ARHGAP44: variants seen among roughly 807,000 people sequenced by gnomAD.
ARHGAP44 encodes Rho GTPase activating protein 44.
Under a neutral mutation model 106.8 loss-of-function variants are expected in ARHGAP44, and 43 were observed. The ratio of observed to expected loss-of-function variants is 0.40; its 90% CI spans 0.32 to 0.52. The LOEUF (loss-of-function observed/expected upper bound fraction) is 0.52, where lower values mean the gene tolerates loss of function less well. Among genes scored for constraint, ARHGAP44 ranks in the 20% least tolerant of loss-of-function variants. ARHGAP44 has a pLI of 0.48. For missense variants in ARHGAP44, 866 were observed against 1,050.5 expected (o/e 0.82, Z 2.43); for synonymous variants, 439 against 410.3 (o/e 1.07, Z -0.85).
At chr17:12,943,939 A>G in intron 9 of ARHGAP44, 130 bp from the exon 10 acceptor site, 1 of 1,305,260 alleles carries the variant, frequency 7.7e-7, no homozygotes, top group Non-Finnish European at 1.0e-6. Context: ...AAAACCACAG[A>G]ATGGAGGCTC....
At chr17:12,872,981 A>G (rs1005423836) in intron 1 of ARHGAP44, among the ~76,000 whole-genome samples, 6 of 152,160 alleles carry the variant, frequency 3.9e-5, no homozygotes, top group Non-Finnish European at 8.8e-5. Flanking sequence ...TAGCGTAACC[A>G]TGCCATTTTT....
chr17:12,961,345 G>A (rs9893369), intron 16 of ARHGAP44, among the ~76,000 whole-genome samples: 66,586 of 152,130 alleles, frequency 0.44, 15,217 homozygotes, highest in East Asian at 0.74. Context: ...ATTCTTATTT[G>A]AAGTTGAAAC....
intron 1 of ARHGAP44, among the ~76,000 whole-genome samples, chr17:12,866,497 A>G (rs2036242832): frequency 6.6e-6 from 1 of 152,160 alleles, no homozygotes; most frequent in Non-Finnish European, 1.5e-5. Context: ...AAGCCTTCAC[A>G]GTGTAAGAGA....
At position 12,898,789 on chromosome 17, in the gene ARHGAP44, G is replaced by A. The variant is rs114381484; in HGVS notation, c.198+2278G>A. On this transcript the variant is annotated intron_variant, in intron 3 of 20. Coordinates refer to ENST00000379672, the MANE Select transcript of ARHGAP44 (RefSeq NM_014859.6). ...CTATGACTGGCCATGATTCACCAGCGAGGACGTACACTATCTGGCTTCTCT... is the reference window on the plus strand; with the variant it reads ...CTATGACTGGCCATGATTCACCAGCAAGGACGTACACTATCTGGCTTCTCT... Among the ~76,000 whole-genome samples the A allele has an allele frequency of 4.5e-3, 684 of 152,200 alleles. 4 individuals carry two copies. Among genetic ancestry groups the A allele is most frequent in the African/African-American group, 0.015 (639 of 41,518 alleles).
intron 1 of ARHGAP44, among the ~76,000 whole-genome samples, chr17:12,859,352 T>G (rs997345266): frequency 6.6e-6 from 1 of 152,160 alleles, no homozygotes; most frequent in South Asian, 2.1e-4. Context: ...ATTTCTGTTA[T>G]TTAAGCCACC....
intron 16 of ARHGAP44, among the ~76,000 whole-genome samples, chr17:12,968,809 G>A (rs377675660): frequency 9.2e-5 from 13 of 141,258 alleles, no homozygotes; most frequent in East Asian, 4.1e-4. Context: ...TCACACTGTC[G>A]CCCAGGTTGG....
At chr17:12,865,481 A>G (rs2036210617) in intron 1 of ARHGAP44, among the ~76,000 whole-genome samples, 1 of 152,148 alleles carries the variant, frequency 6.6e-6, no homozygotes, top group Admixed American at 6.5e-5. Flanking sequence ...ACAAGCCGAA[A>G]GGTAAGAGGT....
At chr17:12,920,440 A>G (rs970131896) in intron 6 of ARHGAP44, among the ~76,000 whole-genome samples, 6 of 151,770 alleles carry the variant, frequency 4.0e-5, no homozygotes, top group Admixed American at 6.6e-5. Context: ...AAAGGGAGCA[A>G]CAGCATTAAG....
rs550811208 is a variant in ARHGAP44 at position 12,854,413 on chromosome 17, T to G, written c.54-40527T>G. Among the ~76,000 whole-genome samples, 8 of 152,262 alleles carry G rather than the reference T, an allele frequency of 5.3e-5. No homozygotes were observed. The South Asian group carries it at 1.2e-3, about 24-fold the overall frequency. ...ATTTTTCCCCCCTTTGACAATATTATGACAGGTATGCAGAAAGATTAATGT... is the reference window on the plus strand; with the variant it reads ...ATTTTTCCCCCCTTTGACAATATTAGGACAGGTATGCAGAAAGATTAATGT... On this transcript the variant is annotated intron_variant, in intron 1 of 20. Coordinates refer to ENST00000379672, the MANE Select transcript of ARHGAP44 (RefSeq NM_014859.6).
chr17:12,789,980 A>G lies in ARHGAP44; in HGVS notation c.53+89A>G, dbSNP rs569283221. Reference sequence around the variant, plus strand: ...AGGTGATGGAGCCCGCCCAGCCTCCAGTCCTCCTTGCCTCAGTCCTTTCCC... The same window carrying G: ...AGGTGATGGAGCCCGCCCAGCCTCCGGTCCTCCTTGCCTCAGTCCTTTCCC... On this transcript the variant is annotated intron_variant, in intron 1 of 20. Coordinates refer to ENST00000379672, the MANE Select transcript of ARHGAP44 (RefSeq NM_014859.6). 1,391 of 1,273,728 alleles carry G rather than the reference A, an allele frequency of 1.1e-3. 22 individuals carry two copies. The South Asian group carries it at 0.018, about 16-fold the overall frequency. The allele number at this position is 1,273,728 out of a possible 1,614,324, so 78.9% of individuals were successfully genotyped here.
intron 1 of ARHGAP44, among the ~76,000 whole-genome samples, chr17:12,883,633 A>C (rs2036801418): frequency 6.6e-6 from 1 of 152,100 alleles, no homozygotes; most frequent in African/African-American, 2.4e-5. Flanking sequence ...AAGTGTTTAC[A>C]AGATCCCAGA....
intron 1 of ARHGAP44, among the ~76,000 whole-genome samples, chr17:12,828,995 C>T (rs1273115761): frequency 6.6e-6 from 1 of 152,002 alleles, no homozygotes; most frequent in Non-Finnish European, 1.5e-5. Context: ...TGACCTATAA[C>T]TTTATTTTTT....
At chr17:12,865,001 G>A (rs2036193744) in intron 1 of ARHGAP44, among the ~76,000 whole-genome samples, 1 of 152,046 alleles carries the variant, frequency 6.6e-6, no homozygotes, top group Admixed American at 6.6e-5. Context: ...AATAACAAGA[G>A]TGCCTCGAGG....
At chr17:12,839,182 ATT>A (rs889565758) in intron 1 of ARHGAP44, among the ~76,000 whole-genome samples, 1 of 152,138 alleles carries the variant, frequency 6.6e-6, no homozygotes, top group African/African-American at 2.4e-5. Context: ...AAGATTGGCC[ATT>A]TGTCATGGTC....
chr17:12,960,248 T>C (rs2039228502), intron 16 of ARHGAP44, among the ~76,000 whole-genome samples: 1 of 150,568 alleles, frequency 6.6e-6, no homozygotes, highest in South Asian at 2.1e-4. Context: ...TATGAAAAAA[T>C]GTCTTTCTTT....
chr17:12,796,566 C>A (rs2033927251), intron 1 of ARHGAP44, among the ~76,000 whole-genome samples: 1 of 151,544 alleles, frequency 6.6e-6, no homozygotes, highest in Non-Finnish European at 1.5e-5. Flanking sequence ...CCTGACCCCA[C>A]CTCTTTTATT....
intron 1 of ARHGAP44, 97 bp downstream of exon 1, chr17:12,789,988 T>C: frequency 8.3e-7 from 1 of 1,199,832 alleles, no homozygotes; most frequent in Non-Finnish European, 1.1e-6. Flanking sequence ...CCAGTCCTCC[T>C]TGCCTCAGTC....
chr17:12,824,699 G>A (rs2034868315), intron 1 of ARHGAP44, among the ~76,000 whole-genome samples: 2 of 151,988 alleles, frequency 1.3e-5, no homozygotes, highest in South Asian at 2.1e-4. Context: ...TCACTCAGAG[G>A]AAAAAGACTA....
chr17:12,980,277 G>C, intron 19 of ARHGAP44, 44 bp downstream of exon 19: 1 of 1,553,420 alleles, frequency 6.4e-7, no homozygotes. Context: ...GCCGGAGGTG[G>C]CTGTGACATT....
Sources: gnomAD v4.1 joint callset for allele counts (sites outside exome capture counted in the v4.1 genomes callset) on GRCh38, gnomAD v4.1.1 for gene constraint, MANE v1.5 for transcripts, NCBI Gene and HGNC (gene_info 2026-07-23, HGNC 2026-07-21) for gene names.